The following UBE2D3 variants were observed in gnomAD, a reference collection of about 807,000 sequenced individuals.
UBE2D3 encodes the protein ubiquitin-conjugating enzyme E2 D3.
UBE2D3 carries 2 observed loss-of-function variants against 22.8 expected under a neutral mutation model. The ratio of observed to expected loss-of-function variants is 0.09; its 90% CI spans 0.04 to 0.28. The LOEUF (loss-of-function observed/expected upper bound fraction) is 0.28. UBE2D3 is among the 10% of genes least tolerant of loss of function. UBE2D3 has a pLI of 1.00. For missense variants in UBE2D3, 27 were observed against 182.5 expected, an observed-to-expected ratio of 0.15 and a Z score of 4.91; for synonymous variants, 56 against 60.4, an observed-to-expected ratio of 0.93 and a Z score of 0.34.
chr4:102,820,543 A>G (rs1012398825), intron 2 of UBE2D3, among the ~76,000 whole-genome samples: 5 of 152,208 alleles, frequency 3.3e-5, no homozygotes, highest in Non-Finnish European at 5.9e-5. Flanking sequence ...TTCATTACAC[A>G]AGGTACTAAG....
At chr4:102,868,423 G>A (rs1733277521) in intron 1 of UBE2D3, among the ~76,000 whole-genome samples, 1 of 152,182 alleles carries the variant, frequency 6.6e-6, no homozygotes, top group African/African-American at 2.4e-5. Flanking sequence ...AATATCTAAG[G>A]AAGGACTACT....
chr4:102,800,785 C>T (rs1054174574), intron 6 of UBE2D3, among the ~76,000 whole-genome samples: 1 of 151,872 alleles, frequency 6.6e-6, no homozygotes, highest in Admixed American at 6.6e-5. Context: ...TTTGAAAAAG[C>T]TTTTTTGTAC....
At chr4:102,809,083 T>G (rs1342237530) in intron 4 of UBE2D3, 1 of 220,488 alleles carries the variant, frequency 4.5e-6, no homozygotes, top group African/African-American at 2.3e-5. Flanking sequence ...GATGTTTTAG[T>G]GCGCTCTAAT....
chr4:102,858,450 C>T (rs1732729884), intron 1 of UBE2D3, among the ~76,000 whole-genome samples: 1 of 151,832 alleles, frequency 6.6e-6, no homozygotes, highest in African/African-American at 2.4e-5. Context: ...GGACATGTTC[C>T]ACTACTTGGG....
chr4:102,852,274 C>T (rs752324236), intron 1 of UBE2D3, among the ~76,000 whole-genome samples: 11 of 152,192 alleles, frequency 7.2e-5, no homozygotes, highest in Non-Finnish European at 1.3e-4. Context: ...TCCAGAGCTG[C>T]TCTATCAGTC....
At chr4:102,802,784 C>A in intron 4 of UBE2D3, 146 bp from the exon 5 acceptor site, 1 of 503,552 alleles carries the variant, frequency 2.0e-6, no homozygotes, top group Non-Finnish European at 3.3e-6. Context: ...AAAATTCAGT[C>A]TATAGTAATA....
chr4:102,827,955 G>T, upstream of UBE2D3: 6 of 985,540 alleles, frequency 6.1e-6, no homozygotes, highest in South Asian at 2.8e-4. Context: ...TGGTATCGAG[G>T]AGACGACTCT....
intron 1 of UBE2D3, among the ~76,000 whole-genome samples, chr4:102,849,810 T>C (rs957869795): frequency 6.6e-6 from 1 of 152,196 alleles, no homozygotes; most frequent in African/African-American, 2.4e-5. Context: ...AAGTGAAACT[T>C]TGTCACACTG....
chr4:102,809,504 A>G (rs1307531424), intron 4 of UBE2D3, 168 bp downstream of exon 4: 1 of 732,820 alleles, frequency 1.4e-6, no homozygotes. Context: ...TACACGTAAC[A>G]AATGACTAAC....
At chr4:102,797,991 A>G (rs1193724501) in intron 7 of UBE2D3, among the ~76,000 whole-genome samples, 1 of 151,822 alleles carries the variant, frequency 6.6e-6, no homozygotes, top group East Asian at 1.9e-4. Flanking sequence ...GCAGAATGAC[A>G]AAGGGCAGTA....
At chr4:102,827,172 C>CCGCG in intron 1 of UBE2D3, 1 of 987,028 alleles carries the variant, frequency 1.0e-6, no homozygotes, top group Non-Finnish European at 1.2e-6. Flanking sequence ...CAGCGCGCTC[C>CCGCG]CGCGCGCGCC....
rs149750377 is a variant in UBE2D3 at position 102,825,284 on chromosome 4, A to T, written c.24+1201T>A. The T allele has an allele frequency of 3.1e-4, 301 of 986,314 alleles. 1 individual carries two copies. The African/African-American group carries it at 5.0e-3, about 16-fold the overall frequency. The allele number at this position is 986,314 out of a possible 1,614,324, so 61.1% of individuals were successfully genotyped here. On this transcript the variant is annotated intron_variant, in intron 2 of 7. Coordinates refer to ENST00000453744, the MANE Select transcript of UBE2D3 (RefSeq NM_181891.3). ...AGTAAGGCTGAATTTATTCCATGAC[A>T]TTTTTTTCAAGTTAGCTGTAAACAC...
At chr4:102,835,326 AAGG>A (rs1214593289) in intron 1 of UBE2D3, among the ~76,000 whole-genome samples, 16 of 152,222 alleles carry the variant, frequency 1.1e-4, no homozygotes, top group Non-Finnish European at 5.9e-5. Context: ...TAAGCAATCT[AAGG>A]AGGATGTGTA....
At chr4:102,867,390 T>G (rs913701000) in intron 1 of UBE2D3, among the ~76,000 whole-genome samples, 1 of 152,248 alleles carries the variant, frequency 6.6e-6, no homozygotes, top group African/African-American at 2.4e-5. Flanking sequence ...TTCGTTATTA[T>G]ATGTTGTTAA....
rs147400688 is a variant in UBE2D3 at position 102,805,540 on chromosome 4, G to A, written c.121-2902C>T. Among the ~76,000 whole-genome samples, 631 of 150,688 alleles carry A rather than the reference G, an allele frequency of 4.2e-3. 8 individuals are homozygous for A. The highest frequency in any genetic ancestry group is 0.014 in the African/African-American group (592 of 40,852). The stretch of plus-strand genomic sequence containing the variant: ...GTGGTGCTGTCGCCCAGGCTGGAGT[G>A]CAGTGGTGTGATCTCGGCTCACTGC... On this transcript the variant is annotated intron_variant, in intron 4 of 7. Transcript: ENST00000453744.
intron 1 of UBE2D3, among the ~76,000 whole-genome samples, chr4:102,861,412 T>G (rs1246219521): frequency 6.6e-6 from 1 of 151,982 alleles, no homozygotes; most frequent in African/African-American, 2.4e-5. Context: ...CTGAATAGTA[T>G]TATTTCACAC....
At chr4:102,864,826 G>C (rs1008109081) in intron 1 of UBE2D3, among the ~76,000 whole-genome samples, 25 of 152,174 alleles carry the variant, frequency 1.6e-4, no homozygotes, top group African/African-American at 6.0e-4. Context: ...TATTGTTATA[G>C]AGGTTATACA....
At chr4:102,827,634 A>C (rs538007832), upstream of UBE2D3, 4 of 986,536 alleles carry the variant, frequency 4.1e-6, no homozygotes, top group Admixed American at 1.2e-4. Context: ...CGCCGTCCCG[A>C]GCACAAGACC....
chr4:102,851,382 A>T (rs1024358904), intron 1 of UBE2D3, among the ~76,000 whole-genome samples: 7 of 152,228 alleles, frequency 4.6e-5, no homozygotes, highest in African/African-American at 1.7e-4. Flanking sequence ...TGGGAGTGAA[A>T]GACAGTGTAA....
Sources: gnomAD v4.1 joint callset for allele counts (sites outside exome capture counted in the v4.1 genomes callset) on GRCh38, gnomAD v4.1.1 for gene constraint, MANE v1.5 for transcripts, NCBI Gene and HGNC (gene_info 2026-07-23, HGNC 2026-07-21) for gene names.